Variants in ERBB4 observed in about 807,000 individuals in gnomAD.
ERBB4 encodes the protein erb-b2 receptor tyrosine kinase 4, also known as receptor tyrosine-protein kinase erbB-4.
Under a neutral mutation model 158.0 loss-of-function variants are expected in ERBB4, and 42 were observed. That is an observed-to-expected ratio of 0.27 (90% confidence interval 0.21 to 0.34). The LOEUF is 0.34. Among genes scored for constraint, ERBB4 ranks in the 10% least tolerant of loss-of-function variants. ERBB4 has a pLI of 1.00. For missense variants in ERBB4, 1,333 were observed against 1,624.1 expected, an observed-to-expected ratio of 0.82 and a Z score of 3.08; for synonymous variants, 583 against 558.7, an observed-to-expected ratio of 1.04 and a Z score of -0.61.
At chr2:211,900,899 C>A (rs996089047) in intron 3 of ERBB4, among the ~76,000 whole-genome samples, 2 of 152,108 alleles carry the variant, frequency 1.3e-5, no homozygotes, top group African/African-American at 4.8e-5. Flanking sequence ...ATTTCCCAGG[C>A]TATCATCTCC....
At chr2:212,238,800 A>AT (rs532198286) in intron 1 of ERBB4, among the ~76,000 whole-genome samples, 2,233 of 149,602 alleles carry the variant, frequency 0.015, 31 homozygotes, top group African/African-American at 0.041. Context: ...GTTGCCAGCA[A>AT]TTTTTTTTTT....
intron 2 of ERBB4, among the ~76,000 whole-genome samples, chr2:212,075,530 G>A (rs370080696): frequency 5.9e-5 from 9 of 151,760 alleles, no homozygotes; most frequent in Non-Finnish European, 1.0e-4. Context: ...TCTCATTGTA[G>A]GTGGTTTATC....
chr2:212,003,420 GAAC>G (rs2076186739), intron 2 of ERBB4, among the ~76,000 whole-genome samples: 1 of 151,060 alleles, frequency 6.6e-6, no homozygotes, highest in Admixed American at 6.6e-5. Flanking sequence ...CAAGTAAATA[GAAC>G]AACATGAACA....
At chr2:211,637,780 T>C (rs1215699180) in intron 16 of ERBB4, among the ~76,000 whole-genome samples, 1 of 152,002 alleles carries the variant, frequency 6.6e-6, no homozygotes, top group African/African-American at 2.4e-5. Flanking sequence ...CTGGATAACA[T>C]CAAATATAAA....
At chr2:212,359,985 A>G (rs1442935599) in intron 1 of ERBB4, among the ~76,000 whole-genome samples, 1 of 151,754 alleles carries the variant, frequency 6.6e-6, no homozygotes, top group African/African-American at 2.4e-5. Flanking sequence ...CTTTGTATCT[A>G]AAAACATTGA....
chr2:211,388,340 A>G (rs2062730435), intron 25 of ERBB4, among the ~76,000 whole-genome samples: 1 of 152,200 alleles, frequency 6.6e-6, no homozygotes, highest in Non-Finnish European at 1.5e-5. Flanking sequence ...TAAATGGGAA[A>G]CAGTTTCCTT....
intron 1 of ERBB4, among the ~76,000 whole-genome samples, chr2:212,190,211 G>T (rs1444125899): frequency 2.0e-5 from 3 of 152,128 alleles, no homozygotes; most frequent in Non-Finnish European, 4.4e-5. Flanking sequence ...TCTTTAGATG[G>T]TGCAATCAAC....
chr2:211,421,619 C>A (rs2063516386), intron 24 of ERBB4, among the ~76,000 whole-genome samples: 1 of 151,746 alleles, frequency 6.6e-6, no homozygotes, highest in Admixed American at 6.6e-5. Context: ...GATTCACTGT[C>A]TTCAAGCATG....
At chr2:212,161,915 T>G (rs2081213306) in intron 1 of ERBB4, among the ~76,000 whole-genome samples, 2 of 151,850 alleles carry the variant, frequency 1.3e-5, no homozygotes, top group Non-Finnish European at 2.9e-5. Flanking sequence ...CCATTTTTCA[T>G]CAGTTCATAA....
chr2:211,536,944 CA>C (rs551632339), intron 20 of ERBB4, among the ~76,000 whole-genome samples: 8 of 149,538 alleles, frequency 5.3e-5, no homozygotes, highest in East Asian at 3.9e-4. Context: ...CAAAACAAAA[CA>C]AAAAAAAACC....
chr2:211,587,194 A>C (rs1207408074), intron 19 of ERBB4, among the ~76,000 whole-genome samples: 1 of 127,326 alleles, frequency 7.9e-6, no homozygotes, highest in Non-Finnish European at 1.6e-5. Context: ...CTCTACTTAC[A>C]AAAAAAAAAA....
chr2:211,597,210 T>A (rs926778144), intron 19 of ERBB4, among the ~76,000 whole-genome samples: 2 of 152,146 alleles, frequency 1.3e-5, no homozygotes, highest in African/African-American at 4.8e-5. Context: ...CATATATTAA[T>A]CCATTATTGT....
At position 212,124,714 on chromosome 2, in the gene ERBB4, T is replaced by C. The variant is rs200557226; in HGVS notation, c.234+38A>G. 3.7e-5 allele frequency: 60 copies of C among 1,611,834 alleles called. No individual in the cohort carries two copies. In the East Asian group the frequency reaches 1.0e-3, roughly 28 times the overall value. On this transcript the variant is annotated intron_variant, in intron 2 of 27. Transcript: ENST00000342788. Reference sequence around the variant, plus strand: ...GCCTGTATGCATCATGACGCCACTGTCCATTCACAAAGAAGAGAAAGAAAG... The same window carrying C: ...GCCTGTATGCATCATGACGCCACTGCCCATTCACAAAGAAGAGAAAGAAAG...
At chr2:211,487,909 T>G (rs981935222) in intron 20 of ERBB4, among the ~76,000 whole-genome samples, 1 of 152,072 alleles carries the variant, frequency 6.6e-6, no homozygotes, top group Non-Finnish European at 1.5e-5. Flanking sequence ...CTGTCAGCAT[T>G]ATTGTTCTCC....
intron 27 of ERBB4, among the ~76,000 whole-genome samples, chr2:211,384,335 C>A (rs1302540447): frequency 6.6e-6 from 1 of 152,126 alleles, no homozygotes. Context: ...GCATTTGTCT[C>A]TTCTGCATAT....
chr2:212,237,778 G>C (rs1212794121), intron 1 of ERBB4, among the ~76,000 whole-genome samples: 1 of 152,232 alleles, frequency 6.6e-6, no homozygotes, highest in African/African-American at 2.4e-5. Flanking sequence ...GTCCTGCCCA[G>C]AGAGGAGGAA....
At chr2:211,973,668 T>G (rs2081523057) in intron 2 of ERBB4, among the ~76,000 whole-genome samples, 1 of 152,192 alleles carries the variant, frequency 6.6e-6, no homozygotes, top group Admixed American at 6.5e-5. Context: ...TGGAAGACAG[T>G]GTGGCAATTC....
intron 1 of ERBB4, among the ~76,000 whole-genome samples, chr2:212,435,484 G>A (rs1192212791): frequency 1.3e-5 from 2 of 151,714 alleles, no homozygotes; most frequent in African/African-American, 4.8e-5. Flanking sequence ...GCCTTTCTCT[G>A]GAATTCTAAA....
chr2:211,424,164 T>C lies in ERBB4; in HGVS notation c.2857A>G (p.Met953Val). 2.5e-6 allele frequency: 4 copies of C among 1,613,296 alleles called. No individual in the cohort carries two copies. Among genetic ancestry groups the C allele is most frequent in the East Asian group, 2.2e-5 (1 of 44,836 alleles). Residue 953 changes from methionine (M) to valine (V), a missense_variant, in exon 23 of 28, where the codon ATG (methionine) becomes GTG (valine). Physicochemically the swap from Met to Val is conservative, Grantham distance 21. Transcript: ENST00000342788. ...TATTTTGCAGTCTTACATTTGACCA[T>C]GACCATGTAAACGTCAATAGTGCAG... is the stretch of plus-strand genomic sequence containing the variant. ...PICTIDVYMV[M>V]VKCWMIDADS...
Sources: allele counts gnomAD v4.1 joint callset (sites outside exome capture counted in the v4.1 genomes callset), GRCh38; gene constraint gnomAD v4.1.1; transcripts MANE v1.5; gene names NCBI Gene and HGNC (gene_info 2026-07-23, HGNC 2026-07-21).